PRKN: variants seen among roughly 807,000 people sequenced by gnomAD.
PRKN encodes E3 ubiquitin-protein ligase parkin.
A neutral mutation model predicts 59.5 loss-of-function variants in PRKN; 56 were observed. That is an observed-to-expected ratio of 0.94 (90% CI 0.76 to 1.18). The LOEUF is 1.18. PRKN is among the 50% of genes most tolerant of loss of function. The pLI is 0.00. For synonymous variants in PRKN, 250 were observed against 222.1 expected, an observed-to-expected ratio of 1.13 and a Z score of -1.12; for missense variants, 657 against 596.4, an observed-to-expected ratio of 1.10 and a Z score of -1.06.
rs34881644 is a variant in PRKN, at chr6:162,223,612, G to GACACAC, written c.413-22366_413-22361dup. Among the ~76,000 whole-genome samples the GACACAC allele has an allele frequency of 5.6e-3, 729 of 129,278 alleles. 5 individuals carry two copies. Among genetic ancestry groups the GACACAC allele is most frequent in the African/African-American group, 0.013 (416 of 31,348 alleles). 84.8% of individuals were successfully genotyped at this position (129,278 alleles called of 152,430 possible). ...ATTGGCTTATTCCAAATAGACACGTGACACACACACACACACACACACACA... is the reference window on the plus strand; with the variant it reads ...ATTGGCTTATTCCAAATAGACACGTGACACACACACACACACACACACACACACACA... On this transcript the variant is annotated intron_variant, in intron 3 of 11. Coordinates refer to ENST00000366898, the MANE Select transcript of PRKN (RefSeq NM_004562.3).
chr6:162,336,364 A>T (rs1783847259), intron 2 of PRKN, among the ~76,000 whole-genome samples: 1 of 152,122 alleles, frequency 6.6e-6, no homozygotes, highest in Admixed American at 6.6e-5. Context: ...CTCTCTCTGG[A>T]AGCCTCAGGG....
At chr6:162,108,631 G>A (rs1448534673) in intron 4 of PRKN, among the ~76,000 whole-genome samples, 2 of 152,194 alleles carry the variant, frequency 1.3e-5, no homozygotes, top group East Asian at 3.9e-4. Flanking sequence ...AATTGTTGGT[G>A]TGACAGGGTT....
chr6:162,376,276 T>G (rs1786074215), intron 2 of PRKN, among the ~76,000 whole-genome samples: 1 of 152,028 alleles, frequency 6.6e-6, no homozygotes, highest in African/African-American at 2.4e-5. Context: ...TAGAATACGC[T>G]GAATTTAGCC....
chr6:162,138,683 G>C (rs1781649508), intron 4 of PRKN, among the ~76,000 whole-genome samples: 1 of 151,890 alleles, frequency 6.6e-6, no homozygotes, highest in Admixed American at 6.6e-5. Flanking sequence ...TCATGATGAG[G>C]AGAAAAGTGA....
intron 2 of PRKN, among the ~76,000 whole-genome samples, chr6:162,367,328 A>G (rs902409473): frequency 2.6e-5 from 4 of 152,166 alleles, no homozygotes; most frequent in Admixed American, 2.0e-4. Context: ...GCAGTCCTTT[A>G]GAGCAGTGTG....
chr6:162,193,452 C>T (rs943808269), intron 4 of PRKN, among the ~76,000 whole-genome samples: 2 of 152,162 alleles, frequency 1.3e-5, no homozygotes, highest in Non-Finnish European at 1.5e-5. Flanking sequence ...CTTACTCAGT[C>T]CACCTTCGGC....
At chr6:162,208,055 AAAAT>A (rs1301910253) in intron 3 of PRKN, among the ~76,000 whole-genome samples, 1 of 152,230 alleles carries the variant, frequency 6.6e-6, no homozygotes, top group African/African-American at 2.4e-5. Context: ...CATAAGAACT[AAAAT>A]AAAAAAATGT....
rs1476284902 is a variant in PRKN at position 161,527,691 on chromosome 6, T to G, written c.1083+21163A>C. ...ACTACTAGAATGAGAGTTTCCTCTT[T>G]CCGTGATGCTCTAATATTCCTAGTC... On this transcript the variant is annotated intron_variant, in intron 9 of 11. Transcript: ENST00000366898. The surrounding 1 kb of genome is among the most constrained non-coding windows in gnomAD (Gnocchi z 4.6). Among the ~76,000 whole-genome samples, 2 of 152,240 alleles carry G rather than the reference T, an allele frequency of 1.3e-5. No individual in the cohort carries two copies. Among genetic ancestry groups the G allele is most frequent in the Non-Finnish European group, 2.9e-5 (2 of 68,044 alleles).
At chr6:162,293,959 T>C (rs1031007157) in intron 2 of PRKN, among the ~76,000 whole-genome samples, 1 of 152,118 alleles carries the variant, frequency 6.6e-6, no homozygotes, top group Non-Finnish European at 1.5e-5. Context: ...ATTACAGGCA[T>C]GAGCCACTAT....
Position 161,973,415 on chromosome 6 carries a change from T to G in PRKN, c.621A>C (p.Glu207Asp). 6.3e-7 allele frequency: 1 copy of G among 1,586,222 alleles called. No homozygotes were observed. Among genetic ancestry groups the G allele is most frequent in the Non-Finnish European group, 8.7e-7 (1 of 1,154,740 alleles). Reference protein sequence around the residue: ...QSPHCPGTSAEFFFKCGAHPT... With the variant: ...QSPHCPGTSADFFFKCGAHPT... Reference sequence around the variant, plus strand: ...GGTGTGCTCCACATTTAAAGAAAAATTCCTGAAAGAAAGATAAATATGATC... The same window carrying G: ...GGTGTGCTCCACATTTAAAGAAAAAGTCCTGAAAGAAAGATAAATATGATC... The change falls in exon 6 of 12, where the codon GAA (glutamate) becomes GAC (aspartate). Residue 207 changes from glutamate (E) to aspartate (D), a missense_variant and splice_region_variant. Coordinates refer to ENST00000366898, the MANE Select transcript of PRKN (RefSeq NM_004562.3).
At chr6:162,330,203 T>C (rs1465522161) in intron 2 of PRKN, among the ~76,000 whole-genome samples, 2 of 152,154 alleles carry the variant, frequency 1.3e-5, no homozygotes, top group African/African-American at 4.8e-5. Flanking sequence ...TCTATAATTA[T>C]GCTCTTTTCC....
chr6:162,456,411 T>C (rs534971942), intron 1 of PRKN, among the ~76,000 whole-genome samples: 2 of 152,306 alleles, frequency 1.3e-5, no homozygotes, highest in African/African-American at 4.8e-5. Flanking sequence ...GTGATTTGTA[T>C]ACTAAAAATA....
intron 1 of PRKN, among the ~76,000 whole-genome samples, chr6:162,548,039 CT>C (rs142735087): frequency 0.088 from 13,243 of 149,882 alleles, 725 homozygotes; most frequent in South Asian, 0.18. Context: ...GTGGCCCCTA[CT>C]TCCTCTCTGA....
intron 2 of PRKN, among the ~76,000 whole-genome samples, chr6:162,379,200 T>A (rs757537462): frequency 7.1e-6 from 1 of 140,316 alleles, no homozygotes; most frequent in Non-Finnish European, 1.6e-5. Flanking sequence ...ACTGTTGAAT[T>A]TGAGTGCCAT....
intron 6 of PRKN, among the ~76,000 whole-genome samples, chr6:161,933,802 C>T (rs1394111271): frequency 6.6e-6 from 1 of 152,014 alleles, no homozygotes; most frequent in Admixed American, 6.6e-5. Context: ...GTCTTCAGAC[C>T]ACACTTTGTC....
chr6:162,713,539 A>T (rs1186827857), intron 1 of PRKN, among the ~76,000 whole-genome samples: 1 of 149,414 alleles, frequency 6.7e-6, no homozygotes, highest in Non-Finnish European at 1.5e-5. Flanking sequence ...GCTACAAGGG[A>T]GGGAAGGCAG....
intron 7 of PRKN, among the ~76,000 whole-genome samples, chr6:161,677,350 C>T (rs956699914): frequency 6.6e-6 from 1 of 152,172 alleles, no homozygotes; most frequent in Non-Finnish European, 1.5e-5. Flanking sequence ...CTCACTGATG[C>T]CTTGCATGGT....
intron 1 of PRKN, among the ~76,000 whole-genome samples, chr6:162,678,500 T>C (rs1009940576): frequency 1.3e-5 from 2 of 152,230 alleles, no homozygotes; most frequent in African/African-American, 4.8e-5. Flanking sequence ...AATAGGTGTA[T>C]AATAGCATTT....
At chr6:161,990,542 C>A (rs1451053696) in intron 5 of PRKN, among the ~76,000 whole-genome samples, 2 of 151,762 alleles carry the variant, frequency 1.3e-5, no homozygotes, top group East Asian at 3.9e-4. Context: ...AGAAACTAAA[C>A]AAAGAGAAAG....
Sources: allele counts gnomAD v4.1 joint callset (sites outside exome capture counted in the v4.1 genomes callset), GRCh38; gene constraint gnomAD v4.1.1; non-coding constraint Gnocchi (gnomAD v3.1); transcripts MANE v1.5; gene names NCBI Gene and HGNC (gene_info 2026-07-23, HGNC 2026-07-21).